MIA3: variants seen among roughly 807,000 people sequenced by gnomAD.
The protein encoded by MIA3 is MIA SH3 domain ER export factor 3.
MIA3 carries 90 observed loss-of-function variants against 192.4 expected under a neutral mutation model. The ratio of observed to expected loss-of-function variants is 0.47; its 90% CI spans 0.39 to 0.56. The LOEUF is 0.56. Among genes scored for constraint, MIA3 ranks in the 20% least tolerant of loss-of-function variants. The pLI, the probability that MIA3 is intolerant of heterozygous loss-of-function variation, is 0.00. For synonymous variants in MIA3, 740 were observed against 792.8 expected, an observed-to-expected ratio of 0.93 and a Z score of 1.12; for missense variants, 2,123 against 2,269.4, an observed-to-expected ratio of 0.94 and a Z score of 1.31.
At chr1:222,646,628 T>G (rs1254696801) in intron 7 of MIA3, among the ~76,000 whole-genome samples, 1 of 151,890 alleles carries the variant, frequency 6.6e-6, no homozygotes, top group Non-Finnish European at 1.5e-5. Context: ...GGCAGGAGCC[T>G]GTAATCCCAG....
chr1:222,625,810 C>A (rs1662089555), intron 3 of MIA3, among the ~76,000 whole-genome samples: 1 of 152,188 alleles, frequency 6.6e-6, no homozygotes, highest in African/African-American at 2.4e-5. Flanking sequence ...GATACCAGCT[C>A]ACTGCAGCCT....
In MIA3 at chr1:222,628,292, T is replaced by G; in HGVS notation, c.1072T>G (p.Ser358Ala). ...EKYPTDKEQN[S>A]NEEDKVQLTV... ...ATATCCAACAGATAAAGAGCAGAAT[T>G]CAAATGAAGAGGACAAGGTTCAGCT... Residue 358 changes from serine (S) to alanine (A), a missense_variant, in exon 4 of 28, where the codon TCA becomes GCA. Ser to Ala is a moderately conservative substitution (Grantham distance 99). Transcript: ENST00000344922. The G allele has an allele frequency of 6.2e-7, 1 of 1,613,832 alleles. No individual in the cohort carries two copies. The highest frequency in any genetic ancestry group is 8.5e-7 in the Non-Finnish European group (1 of 1,179,964).
At chr1:222,644,927 G>A (rs1663065002) in intron 6 of MIA3, among the ~76,000 whole-genome samples, 1 of 152,162 alleles carries the variant, frequency 6.6e-6, no homozygotes, top group South Asian at 2.1e-4. Context: ...CTTGTAAAGG[G>A]CTGTGGAAAC....
At chr1:222,654,917 GTCTT>G (rs1423638736) in intron 18 of MIA3, 124 bp downstream of exon 18, 27 of 898,432 alleles carry the variant, frequency 3.0e-5, no homozygotes, top group African/African-American at 1.4e-4. Context: ...GTATAAATTT[GTCTT>G]TCTTTCTTTC....
intron 6 of MIA3, among the ~76,000 whole-genome samples, chr1:222,643,787 A>G (rs1662974711): frequency 6.6e-6 from 1 of 152,128 alleles, no homozygotes; most frequent in African/African-American, 2.4e-5. Context: ...CACCATCTAA[A>G]AAAAAAAGTG....
Position 222,632,245 on chromosome 1 carries a change from C to T in MIA3, c.3250C>T (p.His1084Tyr), listed in dbSNP as rs779684066. The T allele has an allele frequency of 5.0e-6, 8 of 1,614,002 alleles. No individual in the cohort carries two copies. In the African/African-American group the frequency reaches 1.1e-4, roughly 22 times the overall value. Reference protein sequence around the residue: ...LNVQVPEEPTHLDQRVIGDTH... With the variant: ...LNVQVPEEPTYLDQRVIGDTH... ...TGTGCAGGTTCCTGAAGAACCCACC[C>T]ACTTGGACCAACGTGTGATTGGGGA... is the stretch of plus-strand genomic sequence containing the variant. Residue 1084 changes from histidine to tyrosine, a missense_variant, in exon 5 of 28, where the codon CAC becomes TAC. Coordinates refer to ENST00000344922, the MANE Select transcript of MIA3 (RefSeq NM_198551.4).
rs1372870455 is a variant in MIA3, at chr1:222,629,095, A to G, written c.1875A>G (p.Lys625=). The G allele has an allele frequency of 2.5e-6, 4 of 1,614,098 alleles. No individual in the cohort carries two copies. The highest frequency in any genetic ancestry group is 2.5e-6 in the Non-Finnish European group (3 of 1,180,052). The change falls in exon 4 of 28, where the codon AAA becomes AAG. Residue 625 remains lysine, a synonymous_variant. Transcript: ENST00000344922. The stretch of plus-strand genomic sequence containing the variant: ...AATTGAAAGAGGAATTAGTTCTTAA[A>G]ACTCAAAACCAACCTAGATTCTCCT... The part of the protein sequence containing the change: ...REELKEELVL[K]TQNQPRFSSP...
At chr1:222,652,424 A>G in intron 13 of MIA3, 92 bp downstream of exon 13, 1 of 808,176 alleles carries the variant, frequency 1.2e-6, no homozygotes, top group East Asian at 2.6e-5. Flanking sequence ...TTTTAGGGTA[A>G]TATATGTGCA....
intron 6 of MIA3, among the ~76,000 whole-genome samples, chr1:222,642,189 T>G (rs1571883286): frequency 6.6e-6 from 1 of 152,198 alleles, no homozygotes; most frequent in African/African-American, 2.4e-5. Flanking sequence ...TTCACTATGT[T>G]GGTTGTGATG....
At position 222,654,292 on chromosome 1, in the gene MIA3, C is replaced by T; in HGVS notation, c.4371C>T (p.Val1457=). The part of the protein sequence containing the change: ...MKNQIKQMMD[V]SRTQTAISVV... ...ATCAAATTAAGCAGATGATGGATGT[C>T]TCTCGGGTATAATCGTTTTTAGAGT... Residue 1457 remains valine (V), a synonymous_variant, in exon 16 of 28, where the codon GTC becomes GTT. Transcript: ENST00000344922. 2 of 1,613,964 alleles carry T rather than the reference C, an allele frequency of 1.2e-6. No individual in the cohort carries two copies. The highest frequency in any genetic ancestry group is 4.5e-5 in the East Asian group (2 of 44,858).
Position 222,629,260 on chromosome 1 carries a change from A to G in MIA3, c.2040A>G (p.Gly680=). The change falls in exon 4 of 28, where the codon GGA becomes GGG. Residue 680 remains glycine (G), a synonymous_variant. Transcript: ENST00000344922. ...QMSEKIRLSE[G]EAKEDSLDEE... ...GTGAGAAGATAAGGCTCTCTGAGGGAGAAGCCAAAGAGGACTCCTTGGATG... is the reference window on the plus strand; with the variant it reads ...GTGAGAAGATAAGGCTCTCTGAGGGGGAAGCCAAAGAGGACTCCTTGGATG... 1 of 1,614,212 alleles carries G rather than the reference A, an allele frequency of 6.2e-7. No homozygotes were observed.
In MIA3 at chr1:222,664,070, G is replaced by C. The variant is rs764807513; in HGVS notation, c.5335G>C (p.Val1779Leu). 8 of 1,614,064 alleles carry C rather than the reference G, an allele frequency of 5.0e-6. No individual in the cohort carries two copies. The South Asian group carries it at 8.8e-5, about 18-fold the overall frequency. The change falls in exon 27 of 28, where the codon GTA becomes CTA. Residue 1779 changes from valine to leucine, a missense_variant. By Grantham distance (32) the Val-to-Leu change is conservative (BLOSUM62 1). Coordinates refer to ENST00000344922, the MANE Select transcript of MIA3 (RefSeq NM_198551.4). The stretch of plus-strand genomic sequence containing the variant: ...CATGAGCACCCCCATGGGAGGCCCT[G>C]TACCACCACCCATTCGATATGGACC... ...PLMSTPMGGP[V>L]PPPIRYGPPP...
chr1:222,659,100 G>A, intron 19 of MIA3: 1 of 421,052 alleles, frequency 2.4e-6, no homozygotes, highest in Non-Finnish European at 4.2e-6. Context: ...AAGTGATTTT[G>A]CCATTTGATA....
At position 222,662,372 on chromosome 1, in the gene MIA3, C is replaced by CA. The variant is rs751081789; in HGVS notation, c.5262+41dup. On this transcript the variant is annotated intron_variant, in intron 26 of 27. Coordinates refer to ENST00000344922, the MANE Select transcript of MIA3 (RefSeq NM_198551.4). ...TTTGAATAATTAGTTATTTCAGGAA[C>CA]ATTTAGCTCTTCCTACAACTCTCTC... is the stretch of plus-strand genomic sequence containing the variant. 3.8e-6 allele frequency: 6 copies of CA among 1,588,198 alleles called. No homozygotes were observed. In the African/African-American group the frequency reaches 6.7e-5, roughly 18 times the overall value.
chr1:222,654,343 A>C (rs1663593850), intron 16 of MIA3, 45 bp downstream of exon 16: 2 of 1,611,444 alleles, frequency 1.2e-6, no homozygotes, highest in Non-Finnish European at 1.7e-6. Flanking sequence ...GAATACTTTT[A>C]CTATGCCTCA....
rs1348744646 is a variant in MIA3 at position 222,664,964 on chromosome 1, G to A, written c.5414-345G>A. The A allele has an allele frequency of 6.5e-6, 3 of 458,204 alleles. No homozygotes were observed. In the Admixed American group the frequency reaches 7.6e-5, roughly 12 times the overall value. 28.4% of individuals were successfully genotyped at this position (458,204 alleles called of 1,614,324 possible). A position where few individuals can be genotyped will look rare whatever the true frequency, so the allele number is the denominator to read the frequency against. On this transcript the variant is annotated intron_variant, in intron 27 of 27. Transcript: ENST00000344922. ...ATCCCAGCATTCATTAGACGAGGCTGAGGCAGGTGGATCCCTTGAGCCTAG... is the reference window on the plus strand; with the variant it reads ...ATCCCAGCATTCATTAGACGAGGCTAAGGCAGGTGGATCCCTTGAGCCTAG...
In MIA3 at chr1:222,654,392, C is replaced by T; in HGVS notation, c.4381C>T (p.Gln1461Ter). ...IKQMMDVSRT[Q>*]TAISVVEEDL... ...TTGTCTCTTCTGCAATTTTTAGACACAGACTGCAATATCGGTAGTTGAAGA... is the reference window on the plus strand; with the variant it reads ...TTGTCTCTTCTGCAATTTTTAGACATAGACTGCAATATCGGTAGTTGAAGA... Residue 1461 changes from glutamine (Q) to a stop codon, truncating the protein, a stop_gained, in exon 17 of 28, where the codon CAG becomes TAG. Transcript: ENST00000344922. LOFTEE classifies it high-confidence loss of function. 1 of 1,613,582 alleles carries T rather than the reference C, an allele frequency of 6.2e-7. No individual in the cohort carries two copies. The highest frequency in any genetic ancestry group is 8.5e-7 in the Non-Finnish European group (1 of 1,179,668).
In MIA3 at chr1:222,667,120, C is replaced by A. The variant is rs980218950; in HGVS notation, c.*1501C>A. 22 of 152,158 alleles carry A rather than the reference C, an allele frequency of 1.4e-4. No individual in the cohort carries two copies. Among genetic ancestry groups the A allele is most frequent in the Admixed American group, 2.6e-4 (4 of 15,276 alleles). 9.4% of individuals were successfully genotyped at this position (152,158 alleles called of 1,614,324 possible). On this transcript the variant is annotated 3_prime_UTR_variant, in exon 28 of 28. Coordinates refer to ENST00000344922, the MANE Select transcript of MIA3 (RefSeq NM_198551.4). Reference sequence around the variant, plus strand: ...AAAAGCTTCAATGTGAAACAATTTTCTCTCTTTATACTAAACAACTGAAGA... The same window carrying A: ...AAAAGCTTCAATGTGAAACAATTTTATCTCTTTATACTAAACAACTGAAGA...
intron 26 of MIA3, 103 bp from the exon 27 acceptor site, chr1:222,663,895 A>G (rs1166835240): frequency 2.7e-6 from 3 of 1,101,916 alleles, no homozygotes; most frequent in Non-Finnish European, 4.0e-6. Context: ...TCTTTGGACA[A>G]GTGCCTGACA....
Sources: allele counts gnomAD v4.1 joint callset (sites outside exome capture counted in the v4.1 genomes callset), GRCh38; gene constraint gnomAD v4.1.1; transcripts MANE v1.5; gene names NCBI Gene and HGNC (gene_info 2026-07-23, HGNC 2026-07-21).